The following RTTN variants were observed in gnomAD, a reference collection of about 807,000 sequenced individuals.
RTTN encodes the protein rotatin.
A neutral mutation model predicts 269.2 loss-of-function variants in RTTN; 182 were observed. The ratio of observed to expected loss-of-function variants is 0.68; its 90% CI spans 0.60 to 0.76. RTTN has a LOEUF of 0.76. Ranked by LOEUF, RTTN falls within the 30% of genes least tolerant of loss-of-function variation. RTTN has a pLI of 0.00. For missense variants in RTTN, 2,545 were observed against 2,608.6 expected (o/e 0.98, Z 0.53); for synonymous variants, 1,006 against 963.5 (o/e 1.04, Z -0.82).
chr18:70,038,500 C>T (rs2057243459), intron 40 of RTTN, among the ~76,000 whole-genome samples: 2 of 152,082 alleles, frequency 1.3e-5, no homozygotes, highest in South Asian at 4.2e-4. Flanking sequence ...AGATCTTATC[C>T]AAGACCACCA....
intron 14 of RTTN, among the ~76,000 whole-genome samples, chr18:70,157,414 A>G (rs1217275538): frequency 6.6e-6 from 1 of 152,132 alleles, no homozygotes. Context: ...CCCAACTTAT[A>G]CCACAGTAAA....
chr18:70,130,624 A>C (rs1310080291), intron 23 of RTTN: 1 of 151,842 alleles, frequency 6.6e-6, no homozygotes, highest in African/African-American at 2.4e-5. Flanking sequence ...GATGATTACC[A>C]CAGGCTGTAA....
intron 11 of RTTN, among the ~76,000 whole-genome samples, chr18:70,176,215 GTATA>G (rs2061293941): frequency 8.1e-6 from 1 of 123,294 alleles, no homozygotes; most frequent in African/African-American, 4.5e-5. Flanking sequence ...ATATGTATAT[GTATA>G]TGTATATGTA....
intron 40 of RTTN, among the ~76,000 whole-genome samples, chr18:70,039,611 T>C (rs1484826250): frequency 6.6e-6 from 1 of 152,208 alleles, no homozygotes; most frequent in Non-Finnish European, 1.5e-5. Flanking sequence ...GAAGAAATCA[T>C]CTGATGTTAC....
intron 28 of RTTN, among the ~76,000 whole-genome samples, chr18:70,104,899 TTGGCCCCTAC>T (rs918402707): frequency 9.2e-5 from 14 of 152,286 alleles, no homozygotes; most frequent in African/African-American, 3.4e-4. Flanking sequence ...GAGGTGTCAG[TTGGCCCCTAC>T]TGGGAAGTGT....
At position 70,169,009 on chromosome 18, in the gene RTTN, A is replaced by T; in HGVS notation, c.1535T>A (p.Met512Lys). ...STALFLLSLDMPISLEYPNIH... is the reference protein window; with the variant it reads ...STALFLLSLDKPISLEYPNIH... Reference sequence around the variant, plus strand: ...ATTTGGATATTCCAAAGAAATAGGCATGTCCAAAGAAAGGAGAAATAATGC... The same window carrying T: ...ATTTGGATATTCCAAAGAAATAGGCTTGTCCAAAGAAAGGAGAAATAATGC... The change falls in exon 12 of 49, where the codon ATG becomes AAG. Residue 512 changes from methionine (M) to lysine (K), a missense_variant. By Grantham distance (95) the Met-to-Lys change is moderately conservative (BLOSUM62 -1). Transcript: ENST00000640769. 1 of 1,612,996 alleles carries T rather than the reference A, an allele frequency of 6.2e-7. No individual in the cohort carries two copies. The highest frequency in any genetic ancestry group is 8.5e-7 in the Non-Finnish European group (1 of 1,179,746).
chr18:70,102,643 G>A (rs993647092), intron 28 of RTTN, among the ~76,000 whole-genome samples: 1 of 152,190 alleles, frequency 6.6e-6, no homozygotes, highest in Non-Finnish European at 1.5e-5. Flanking sequence ...TTGCTCGTTA[G>A]TTGATACAGT....
intron 28 of RTTN, among the ~76,000 whole-genome samples, chr18:70,094,262 G>C (rs1259700095): frequency 1.3e-5 from 2 of 152,018 alleles, no homozygotes; most frequent in Non-Finnish European, 2.9e-5. Context: ...TGGATTCATT[G>C]ATTTTTTTTG....
intron 14 of RTTN, among the ~76,000 whole-genome samples, chr18:70,151,902 C>G (rs78271411): frequency 6.6e-6 from 1 of 152,160 alleles, no homozygotes; most frequent in South Asian, 2.1e-4. Context: ...CTTCCCACCA[C>G]GAGTCCTCAC....
intron 9 of RTTN, among the ~76,000 whole-genome samples, chr18:70,190,271 T>G (rs943098470): frequency 6.7e-6 from 1 of 149,448 alleles, no homozygotes; most frequent in Non-Finnish European, 1.5e-5. Context: ...AAAAAATAGA[T>G]AAAAATTCTA....
chr18:70,132,308 CT>C (rs1218734182), intron 23 of RTTN, among the ~76,000 whole-genome samples: 1 of 151,974 alleles, frequency 6.6e-6, no homozygotes, highest in Non-Finnish European at 1.5e-5. Context: ...TATTTTGAGA[CT>C]TATAGAACAG....
intron 46 of RTTN, among the ~76,000 whole-genome samples, chr18:70,016,206 T>C (rs867417030): frequency 5.8e-5 from 3 of 51,960 alleles, no homozygotes; most frequent in Non-Finnish European, 3.9e-4. Context: ...CACAACTATA[T>C]ACACCACAAA....
intron 38 of RTTN, among the ~76,000 whole-genome samples, chr18:70,052,642 T>TTATATATATATATA (rs1327265663): frequency 0.024 from 3,557 of 145,810 alleles, 65 homozygotes; most frequent in South Asian, 0.066. Flanking sequence ...ATTTATTTAC[T>TTATATATATATATA]TATATATATA....
intron 11 of RTTN, among the ~76,000 whole-genome samples, chr18:70,173,932 AAAC>A (rs1411214334): frequency 2.6e-5 from 4 of 152,216 alleles, no homozygotes; most frequent in Non-Finnish European, 5.9e-5. Flanking sequence ...AATTTCATTT[AAAC>A]AACATTCAAA....
Position 70,205,186 on chromosome 18 carries a change from T to C in RTTN, c.161A>G (p.Asn54Ser), listed in dbSNP as rs370272217. 17 of 1,614,078 alleles carry C rather than the reference T, an allele frequency of 1.1e-5. No homozygotes were observed. The highest frequency in any genetic ancestry group is 1.2e-5 in the Non-Finnish European group (14 of 1,180,044). The stretch of plus-strand genomic sequence containing the variant: ...TTCCTTCATCGGAACGGACGGGAAA[T>C]TGAACCATTCCAGCAAATGAAGAAA... Reference protein sequence around the residue: ...QLFLHLLEWFNFPSVPMKEEV... With the variant: ...QLFLHLLEWFSFPSVPMKEEV... Residue 54 changes from asparagine (N) to serine (S), a missense_variant, in exon 2 of 49, where the codon AAT (asparagine) becomes AGT (serine). Transcript: ENST00000640769.
chr18:70,184,025 C>T (rs1317932563), intron 10 of RTTN, among the ~76,000 whole-genome samples: 3 of 152,086 alleles, frequency 2.0e-5, no homozygotes, highest in Admixed American at 2.0e-4. Context: ...ATGCTGGCCT[C>T]CCAAAGTGCT....
intron 4 of RTTN, among the ~76,000 whole-genome samples, chr18:70,200,972 T>C (rs1413694008): frequency 6.6e-6 from 1 of 152,224 alleles, no homozygotes; most frequent in East Asian, 1.9e-4. Context: ...TCACGGCTAT[T>C]ATCAAACTTA....
In RTTN at chr18:70,030,984, G is replaced by T; in HGVS notation, c.5542-3C>A. 1 of 1,596,454 alleles carries T rather than the reference G, an allele frequency of 6.3e-7. No homozygotes were observed. Among genetic ancestry groups the T allele is most frequent in the Non-Finnish European group, 8.6e-7 (1 of 1,167,958 alleles). The stretch of plus-strand genomic sequence containing the variant: ...TTGGAGGATTTCCCTTCATAGCACT[G>T]CAGAGAATATAAATCAAACTGCCTT... On this transcript the variant is annotated splice_region_variant and splice_polypyrimidine_tract_variant and intron_variant, in intron 40 of 48. Transcript: ENST00000640769.
Position 70,145,743 on chromosome 18 carries a change from T to A in RTTN, c.2350A>T (p.Thr784Ser). 14 of 1,613,130 alleles carry A rather than the reference T, an allele frequency of 8.7e-6. No homozygotes were observed. The highest frequency in any genetic ancestry group is 1.2e-5 in the Non-Finnish European group (14 of 1,179,528). ...TTTGTATCAGCCCCTTCTTCACTGG[T>A]AAGATGGAATGCTAAAAGCTTTAAT... Reference protein sequence around the residue: ...LALKLLAFHLTSEEGADTKRP... With the variant: ...LALKLLAFHLSSEEGADTKRP... The change falls in exon 18 of 49, where the codon ACC (threonine) becomes TCC (serine). Residue 784 changes from threonine to serine, a missense_variant. Thr to Ser is a moderately conservative substitution (Grantham distance 58). Coordinates refer to ENST00000640769, the MANE Select transcript of RTTN (RefSeq NM_173630.4).
Sources: allele counts gnomAD v4.1 joint callset (sites outside exome capture counted in the v4.1 genomes callset), GRCh38; gene constraint gnomAD v4.1.1; transcripts MANE v1.5; gene names NCBI Gene and HGNC (gene_info 2026-07-23, HGNC 2026-07-21).